The following NTM variants were observed in gnomAD, a reference collection of about 807,000 sequenced individuals.
NTM encodes neurotrimin.
NTM carries 13 observed loss-of-function variants against 42.1 expected under a neutral mutation model. The observed-to-expected ratio is 0.31, with a 90% confidence interval of 0.20 to 0.49. NTM has a LOEUF of 0.49. NTM is among the 20% of genes least tolerant of loss of function. NTM has a pLI of 0.99. For missense variants in NTM, 373 were observed against 452.8 expected (o/e 0.82, Z 1.60); for synonymous variants, 187 against 179.2 (o/e 1.04, Z -0.35).
At chr11:132,258,055 C>T (rs568524311) in intron 4 of NTM, among the ~76,000 whole-genome samples, 1 of 152,326 alleles carries the variant, frequency 6.6e-6, no homozygotes, top group East Asian at 1.9e-4. Context: ...TAACACAGCC[C>T]TTCTCAGGCA....
At chr11:131,875,090 G>A (rs564341551) in intron 1 of NTM, among the ~76,000 whole-genome samples, 22 of 152,252 alleles carry the variant, frequency 1.4e-4, no homozygotes, top group Non-Finnish European at 7.4e-5. Context: ...TGTTCACTGC[G>A]CCTTGGAAAA....
At chr11:131,635,580 G>T (rs1321871470) in intron 1 of NTM, among the ~76,000 whole-genome samples, 1 of 151,976 alleles carries the variant, frequency 6.6e-6, no homozygotes, top group Non-Finnish European at 1.5e-5. Context: ...AAATAAAAAA[G>T]CTTGTCAAGT....
intron 2 of NTM, among the ~76,000 whole-genome samples, chr11:132,076,986 A>G (rs2058452278): frequency 6.6e-6 from 1 of 152,202 alleles, no homozygotes; most frequent in African/African-American, 2.4e-5. Context: ...CTTTCCCTTC[A>G]TATTCCCTAG....
In NTM at chr11:132,204,284, C is replaced by T. The variant is rs552124141; in HGVS notation, c.401-7738C>T. Among the ~76,000 whole-genome samples, 11 of 152,326 alleles carry T rather than the reference C, an allele frequency of 7.2e-5. No homozygotes were observed. The East Asian group carries it at 2.1e-3, about 29-fold the overall frequency. On this transcript the variant is annotated intron_variant, in intron 3 of 8. Coordinates refer to ENST00000683400, the MANE Select transcript of NTM (RefSeq NM_001352005.2). ...CAGTCCTTGGGGGCAATTTAAAGAT[C>T]TTGAGGAAATTCAGTCATTTCAATT...
chr11:132,096,740 G>T (rs1468204695), intron 2 of NTM, among the ~76,000 whole-genome samples: 1 of 152,116 alleles, frequency 6.6e-6, no homozygotes, highest in East Asian at 1.9e-4. Context: ...GCCTGCCTTG[G>T]TCTAGGGCCT....
chr11:131,396,602 G>A (rs749365001), intron 1 of NTM, among the ~76,000 whole-genome samples: 54 of 152,178 alleles, frequency 3.5e-4, no homozygotes, highest in Non-Finnish European at 6.5e-4. Flanking sequence ...GCCGTGGCAG[G>A]GCAGGTGGAT....
chr11:132,044,056 G>T (rs1264324363), intron 2 of NTM, among the ~76,000 whole-genome samples: 1 of 141,370 alleles, frequency 7.1e-6, no homozygotes, highest in Admixed American at 7.3e-5. Flanking sequence ...GGGTATGTGT[G>T]TATGTGTGTG....
intron 1 of NTM, among the ~76,000 whole-genome samples, chr11:131,874,548 A>T (rs1216576594): frequency 6.6e-6 from 1 of 152,216 alleles, no homozygotes; most frequent in Admixed American, 6.5e-5. Flanking sequence ...CAAATCTTAC[A>T]GGCCCCAGTT....
chr11:131,417,943 C>T (rs1947122508), intron 1 of NTM, among the ~76,000 whole-genome samples: 1 of 152,184 alleles, frequency 6.6e-6, no homozygotes, highest in East Asian at 1.9e-4. Context: ...TGGCAGTTTC[C>T]TGACAAGTTT....
intron 1 of NTM, among the ~76,000 whole-genome samples, chr11:131,677,133 T>C (rs1457999451): frequency 2.0e-5 from 3 of 152,192 alleles, no homozygotes; most frequent in African/African-American, 7.2e-5. Flanking sequence ...CTCTGTGCCC[T>C]GGTGGCCTCA....
chr11:131,669,982 G>A (rs983800164), intron 1 of NTM, among the ~76,000 whole-genome samples: 17 of 152,312 alleles, frequency 1.1e-4, no homozygotes, highest in South Asian at 2.1e-4. Context: ...TCCAGGTGGC[G>A]TCCGATTGAA....
intron 2 of NTM, among the ~76,000 whole-genome samples, chr11:131,918,951 C>T (rs1277279971): frequency 6.6e-6 from 1 of 152,188 alleles, no homozygotes; most frequent in Non-Finnish European, 1.5e-5. Context: ...TGGACTTTCT[C>T]ACCTGGAGTT....
chr11:132,148,805 G>C (rs2071186629), intron 3 of NTM, among the ~76,000 whole-genome samples: 1 of 152,074 alleles, frequency 6.6e-6, no homozygotes, highest in African/African-American at 2.4e-5. Flanking sequence ...GTGTTTTTGG[G>C]GGTGAGATGA....
intron 2 of NTM, among the ~76,000 whole-genome samples, chr11:131,947,470 C>A (rs1028672748): frequency 6.6e-6 from 1 of 152,094 alleles, no homozygotes; most frequent in Non-Finnish European, 1.5e-5. Context: ...TTATGAAATC[C>A]CAGCACCTAC....
chr11:132,243,929 C>A (rs1377174479), intron 4 of NTM, among the ~76,000 whole-genome samples: 1 of 152,204 alleles, frequency 6.6e-6, no homozygotes, highest in Non-Finnish European at 1.5e-5. Context: ...GGGTTTAGAC[C>A]CTCCTTCACT....
chr11:132,246,024 G>A (rs1312340807), intron 4 of NTM, among the ~76,000 whole-genome samples: 2 of 152,198 alleles, frequency 1.3e-5, no homozygotes, highest in African/African-American at 4.8e-5. Flanking sequence ...AGCTGCCCCG[G>A]GCTAGAGGAG....
chr11:131,881,494 ACACACACACACACACC>A (rs946955398), intron 1 of NTM, among the ~76,000 whole-genome samples: 40 of 151,518 alleles, frequency 2.6e-4, no homozygotes, highest in African/African-American at 9.5e-4. Context: ...ACACACACAC[ACACACACACACACACC>A]CCCCAAAGCT....
intron 1 of NTM, among the ~76,000 whole-genome samples, chr11:131,411,235 G>A (rs1052422403): frequency 2.0e-5 from 3 of 152,030 alleles, no homozygotes; most frequent in Non-Finnish European, 2.9e-5. Flanking sequence ...CACTTATAAC[G>A]TGCTTATGAA....
intron 2 of NTM, among the ~76,000 whole-genome samples, chr11:131,981,696 T>C (rs1481563673): frequency 6.6e-6 from 1 of 152,178 alleles, no homozygotes; most frequent in Non-Finnish European, 1.5e-5. Context: ...TAACCTTGCA[T>C]GTGCTCTTGG....
Sources: gnomAD v4.1 joint callset for allele counts (sites outside exome capture counted in the v4.1 genomes callset) on GRCh38, gnomAD v4.1.1 for gene constraint, MANE v1.5 for transcripts, NCBI Gene and HGNC (gene_info 2026-07-23, HGNC 2026-07-21) for gene names.